The following FKRP variants were observed in gnomAD, a reference collection of about 807,000 sequenced individuals.
The protein encoded by FKRP is ribitol 5-phosphate transferase FKRP.
A neutral mutation model predicts 30.6 loss-of-function variants in FKRP; 25 were observed. The ratio of observed to expected loss-of-function variants is 0.82; its 90% CI spans 0.60 to 1.14. The LOEUF (loss-of-function observed/expected upper bound fraction) is 1.14. FKRP is among the 50% of genes most tolerant of loss of function. The pLI is 0.00. For missense variants in FKRP, 771 were observed against 727.8 expected, an observed-to-expected ratio of 1.06 and a Z score of -0.68; for synonymous variants, 358 against 342.5, an observed-to-expected ratio of 1.05 and a Z score of -0.50.
rs201951207 is a variant in FKRP at position 46,755,518 on chromosome 19, A to G, written c.68A>G (p.Tyr23Cys). The G allele has an allele frequency of 2.3e-5, 37 of 1,610,720 alleles. No individual in the cohort carries two copies. Among genetic ancestry groups the G allele is most frequent in the East Asian group, 1.8e-4 (8 of 44,770 alleles). The change falls in exon 4 of 4, where the codon TAT (tyrosine) becomes TGT (cysteine). Residue 23 changes from tyrosine (Y) to cysteine (C), a missense_variant. Coordinates refer to ENST00000318584, the MANE Select transcript of FKRP (RefSeq NM_024301.5). ...ACCCTCAACCTTCTGGTCCTCTTCT[A>G]TGTCTCGTGGCTGCAGCACCAGCCT... ...AITLNLLVLF[Y>C]VSWLQHQPRN... is the part of the protein sequence containing the mutation.
rs2054955496 is a variant in FKRP, at chr19:46,757,642, C to G, written c.*704C>G. 1 of 169,596 alleles carries G rather than the reference C, an allele frequency of 5.9e-6. No homozygotes were observed. The highest frequency in any genetic ancestry group is 1.4e-5 in the Non-Finnish European group (1 of 69,862). The allele number at this position is 169,596 out of a possible 1,614,324, so 10.5% of individuals were successfully genotyped here. A position where few individuals can be genotyped will look rare whatever the true frequency, so the allele number is the denominator to read the frequency against. On this transcript the variant is annotated 3_prime_UTR_variant, in exon 4 of 4. Coordinates refer to ENST00000318584, the MANE Select transcript of FKRP (RefSeq NM_024301.5). ...AGTGACCACCTCCCCTTCTTTTGGA[C>G]TGCGACCTCCTTCCCTCCTGGGAGA...
chr19:46,749,445 G>A (rs1320079844), intron 3 of FKRP, among the ~76,000 whole-genome samples: 1 of 143,152 alleles, frequency 7.0e-6, no homozygotes, highest in Non-Finnish European at 1.5e-5. Flanking sequence ...AAGGTCTCGA[G>A]GCCAGGCGCG....
At chr19:46,755,314 A>C in intron 3 of FKRP, 98 bp from the exon 4 acceptor site, 2 of 772,682 alleles carry the variant, frequency 2.6e-6, no homozygotes, top group East Asian at 2.9e-5. Flanking sequence ...AAGAAAGGGA[A>C]TTGAGAAAGA....
In FKRP at chr19:46,755,457, C is replaced by T; in HGVS notation, c.7C>T (p.Leu3Phe). ...AGCCCCAGACTTCGGCCCCATGCGG[C>T]TCACCCGCTGCCAGGCTGCCCTGGC... is the stretch of plus-strand genomic sequence containing the variant. The part of the protein sequence containing the change: MR[L>F]TRCQAALAAA... The change falls in exon 4 of 4, where the codon CTC becomes TTC. Residue 3 changes from leucine (L) to phenylalanine (F), a missense_variant. By Grantham distance (22) the Leu-to-Phe change is conservative. Coordinates refer to ENST00000318584, the MANE Select transcript of FKRP (RefSeq NM_024301.5). 6.2e-7 allele frequency: 1 copy of T among 1,606,064 alleles called. No homozygotes were observed. Among genetic ancestry groups the T allele is most frequent in the African/African-American group, 1.3e-5 (1 of 75,010 alleles).
chr19:46,752,110 G>A (rs79276765), intron 3 of FKRP, among the ~76,000 whole-genome samples: 3 of 152,150 alleles, frequency 2.0e-5, no homozygotes, highest in Admixed American at 1.3e-4. Context: ...GGAAGATCAC[G>A]CGGGGCCTTA....
At chr19:46,751,988 A>G (rs1483216297) in intron 3 of FKRP, among the ~76,000 whole-genome samples, 1 of 152,176 alleles carries the variant, frequency 6.6e-6, no homozygotes, top group Non-Finnish European at 1.5e-5. Context: ...TGGGATAAGA[A>G]CACTCAGACA....
At position 46,748,241 on chromosome 19, in the gene FKRP, G is replaced by A. The variant is rs1040093648; in HGVS notation, c.-191+153G>A. Among the ~76,000 whole-genome samples the A allele has an allele frequency of 4.6e-5, 7 of 151,832 alleles. No homozygotes were observed. The South Asian group carries it at 6.2e-4, about 14-fold the overall frequency. On this transcript the variant is annotated intron_variant, in intron 2 of 3. Coordinates refer to ENST00000318584, the MANE Select transcript of FKRP (RefSeq NM_024301.5). ...TGCCCGGGCTGAAATGCAGTGGCGC[G>A]GTCATGGCTCACTGCAACCTCCACC... is the stretch of plus-strand genomic sequence containing the variant.
At position 46,757,053 on chromosome 19, in the gene FKRP, A is replaced by G. The variant is rs574731209; in HGVS notation, c.*115A>G. The G allele has an allele frequency of 4.1e-5, 56 of 1,382,588 alleles. No homozygotes were observed. Among genetic ancestry groups the G allele is most frequent in the Non-Finnish European group, 1.9e-5 (19 of 992,918 alleles). 85.6% of individuals were successfully genotyped at this position (1,382,588 alleles called of 1,614,324 possible). A position where few individuals can be genotyped will look rare whatever the true frequency, so the allele number is the denominator to read the frequency against. ...GAGAGGGGAAGGGGGAAACTGACCAAGAAAGAAATTCTAAGGAGAGCATGA... is the reference window on the plus strand; with the variant it reads ...GAGAGGGGAAGGGGGAAACTGACCAGGAAAGAAATTCTAAGGAGAGCATGA... On this transcript the variant is annotated 3_prime_UTR_variant, in exon 4 of 4. Coordinates refer to ENST00000318584, the MANE Select transcript of FKRP (RefSeq NM_024301.5).
At position 46,755,991 on chromosome 19, in the gene FKRP, C is replaced by A. The variant is rs777245868; in HGVS notation, c.541C>A (p.Arg181Ser). The change falls in exon 4 of 4, where the codon CGC (arginine) becomes AGC (serine). Residue 181 changes from arginine (R) to serine (S), a missense_variant. By Grantham distance (110) the Arg-to-Ser change is moderately radical. Transcript: ENST00000318584. ...CGTCAGCCTGCGAGAGTGGACCGCCCGCTATGGCGCAGCCCCCGCCGCGCC... is the reference window on the plus strand; with the variant it reads ...CGTCAGCCTGCGAGAGTGGACCGCCAGCTATGGCGCAGCCCCCGCCGCGCC... Reference protein sequence around the residue: ...LNVSLREWTARYGAAPAAPRC... With the variant: ...LNVSLREWTASYGAAPAAPRC... 71 of 1,545,306 alleles carry A rather than the reference C, an allele frequency of 4.6e-5. No individual in the cohort carries two copies. Among genetic ancestry groups the A allele is most frequent in the Non-Finnish European group, 5.9e-5 (68 of 1,153,192 alleles).
chr19:46,751,033 T>A (rs2054781562), intron 3 of FKRP, among the ~76,000 whole-genome samples: 1 of 149,268 alleles, frequency 6.7e-6, no homozygotes, highest in South Asian at 2.1e-4. Context: ...AAAGCAGGAA[T>A]GGGGGATAGG....
chr19:46,754,224 G>A (rs11670473), intron 3 of FKRP: 27,098 of 151,906 alleles, frequency 0.18, 2,870 homozygotes, highest in Non-Finnish European at 0.24. Flanking sequence ...TTTTTGTAGA[G>A]ATGAAGTCTC....
At chr19:46,745,192 A>G (rs916506012), upstream of FKRP, among the ~76,000 whole-genome samples, 5 of 151,676 alleles carry the variant, frequency 3.3e-5, no homozygotes, top group Admixed American at 2.0e-4. Flanking sequence ...CCAACACCCC[A>G]CACTCCAGTT....
rs886044183 is a variant in FKRP, at chr19:46,756,420, G to C, written c.970G>C (p.Glu324Gln). 3.2e-6 allele frequency: 5 copies of C among 1,577,982 alleles called. No homozygotes were observed. The highest frequency in any genetic ancestry group is 3.7e-5 in the Admixed American group (2 of 53,566). ...TPPCCLRALR[E>Q]TARYVVGVLE... ...CCCCTGCTGCCTGCGCGCGCTGCGC[G>C]AGACCGCCCGCTATGTGGTGGGCGT... Residue 324 changes from glutamate (E) to glutamine (Q), a missense_variant, in exon 4 of 4, where the codon GAG becomes CAG. By Grantham distance (29) the Glu-to-Gln change is conservative. Coordinates refer to ENST00000318584, the MANE Select transcript of FKRP (RefSeq NM_024301.5). This position sits in a 1 kb window ranked among gnomAD's most constrained non-coding sequence, Gnocchi z 6.6.
chr19:46,751,254 G>A (rs1463365874), intron 3 of FKRP, among the ~76,000 whole-genome samples: 1 of 151,920 alleles, frequency 6.6e-6, no homozygotes, highest in Non-Finnish European at 1.5e-5. Context: ...TGTAGAGATG[G>A]CATCTTACTA....
intron 1 of FKRP, chr19:46,746,335 G>A (rs2054613954): frequency 7.7e-7 from 1 of 1,291,038 alleles, no homozygotes; most frequent in Non-Finnish European, 9.7e-7. Flanking sequence ...CGGAGACCGG[G>A]GCCGCCCCAG....
chr19:46,749,909 G>A (rs187623499), intron 3 of FKRP, among the ~76,000 whole-genome samples: 47 of 152,018 alleles, frequency 3.1e-4, no homozygotes, highest in East Asian at 7.8e-4. Flanking sequence ...TTGTAGAGAC[G>A]GGGTCTTACC....
chr19:46,756,681 A>C lies in FKRP; in HGVS notation c.1231A>C (p.Asn411His). ...DFFRVQYSES[N>H]HLHVDLWPFY... ...TTTCCGCGTGCAGTACAGCGAAAGC[A>C]ACCACTTGCACGTGGACCTGTGGCC... The change falls in exon 4 of 4, where the codon AAC (asparagine) becomes CAC (histidine). Residue 411 changes from asparagine (N) to histidine (H), a missense_variant. Physicochemically the swap from Asn to His is moderately conservative, Grantham distance 68. Coordinates refer to ENST00000318584, the MANE Select transcript of FKRP (RefSeq NM_024301.5). This position sits in a 1 kb window ranked among gnomAD's most constrained non-coding sequence, Gnocchi z 6.6. The C allele has an allele frequency of 6.2e-7, 1 of 1,613,358 alleles. No individual in the cohort carries two copies. Among genetic ancestry groups the C allele is most frequent in the South Asian group, 1.1e-5 (1 of 90,894 alleles).
rs1435046628 is a variant in FKRP, at chr19:46,756,500, C to T, written c.1050C>T (p.Ala350=). ...YWLEGGSLLG[A]ARHGDIIPWD... ...TCGAGGGCGGCTCACTGCTGGGGGCCGCCCGCCACGGGGACATCATCCCAT... is the reference window on the plus strand; with the variant it reads ...TCGAGGGCGGCTCACTGCTGGGGGCTGCCCGCCACGGGGACATCATCCCAT... Residue 350 remains alanine, a synonymous_variant, in exon 4 of 4, where the codon GCC becomes GCT. Coordinates refer to ENST00000318584, the MANE Select transcript of FKRP (RefSeq NM_024301.5). The surrounding 1 kb of genome is among the most constrained non-coding windows in gnomAD (Gnocchi z 6.6). 3 of 1,558,382 alleles carry T rather than the reference C, an allele frequency of 1.9e-6. No homozygotes were observed. Among genetic ancestry groups the T allele is most frequent in the African/African-American group, 2.7e-5 (2 of 73,638 alleles).
rs1179406638 is a variant in FKRP at position 46,756,435 on chromosome 19, G to A, written c.985G>A (p.Val329Met). 1 of 1,585,392 alleles carries A rather than the reference G, an allele frequency of 6.3e-7. No homozygotes were observed. Among genetic ancestry groups the A allele is most frequent in the Non-Finnish European group, 8.6e-7 (1 of 1,166,184 alleles). Reference sequence around the variant, plus strand: ...CGCGCTGCGCGAGACCGCCCGCTATGTGGTGGGCGTGCTGGAGGCTGCGGG... The same window carrying A: ...CGCGCTGCGCGAGACCGCCCGCTATATGGTGGGCGTGCTGGAGGCTGCGGG... ...LRALRETARY[V>M]VGVLEAAGVR... The change falls in exon 4 of 4, where the codon GTG becomes ATG. Residue 329 changes from valine (V) to methionine (M), a missense_variant. Coordinates refer to ENST00000318584, the MANE Select transcript of FKRP (RefSeq NM_024301.5). This position sits in a 1 kb window ranked among gnomAD's most constrained non-coding sequence, Gnocchi z 6.6.
Sources: allele counts gnomAD v4.1 joint callset (sites outside exome capture counted in the v4.1 genomes callset), GRCh38; gene constraint gnomAD v4.1.1; non-coding constraint Gnocchi (gnomAD v3.1); transcripts MANE v1.5; gene names NCBI Gene and HGNC (gene_info 2026-07-23, HGNC 2026-07-21).